Variants in RBM20 observed in about 807,000 individuals in gnomAD.
The protein encoded by RBM20 is RNA binding motif protein 20.
Under a neutral mutation model 110.1 loss-of-function variants are expected in RBM20, and 51 were observed. That is an observed-to-expected ratio of 0.46 (90% confidence interval 0.37 to 0.59). RBM20 has a LOEUF of 0.59. Among genes scored for constraint, RBM20 ranks in the 20% least tolerant of loss-of-function variants. RBM20 has a pLI of 0.00. For synonymous variants in RBM20, 589 were observed against 618.2 expected (o/e 0.95, Z 0.70); for missense variants, 1,512 against 1,574.9 (o/e 0.96, Z 0.68).
chr10:110,820,381 C>T (rs1449440391), intron 10 of RBM20, among the ~76,000 whole-genome samples: 4 of 152,204 alleles, frequency 2.6e-5, no homozygotes, highest in Non-Finnish European at 5.9e-5. Context: ...GATCTTTACC[C>T]ACATGTCTGG....
At chr10:110,653,086 T>C (rs1861974825) in intron 1 of RBM20, among the ~76,000 whole-genome samples, 1 of 152,236 alleles carries the variant, frequency 6.6e-6, no homozygotes, top group South Asian at 2.1e-4. Flanking sequence ...AAAAACCCAG[T>C]ACCTACCTTC....
At chr10:110,664,605 G>C (rs984389977) in intron 1 of RBM20, among the ~76,000 whole-genome samples, 8 of 151,846 alleles carry the variant, frequency 5.3e-5, no homozygotes, top group Non-Finnish European at 1.2e-4. Flanking sequence ...AAATTAGCTG[G>C]GTGTGGTGGC....
intron 1 of RBM20, among the ~76,000 whole-genome samples, chr10:110,681,556 T>C (rs1371851121): frequency 6.6e-6 from 1 of 152,208 alleles, no homozygotes; most frequent in Non-Finnish European, 1.5e-5. Context: ...AAAGACACCA[T>C]TGGAAGGTTG....
intron 1 of RBM20, among the ~76,000 whole-genome samples, chr10:110,727,786 T>A (rs573770120): frequency 6.6e-6 from 1 of 152,342 alleles, no homozygotes; most frequent in Non-Finnish European, 1.5e-5. Context: ...TTTGTCCTAA[T>A]GCTTTCCCTC....
intron 1 of RBM20, among the ~76,000 whole-genome samples, chr10:110,645,264 A>C (rs1861852904): frequency 6.6e-6 from 1 of 152,102 alleles, no homozygotes; most frequent in Non-Finnish European, 1.5e-5. Flanking sequence ...CGGCCTTCCC[A>C]ATGCTTGAGA....
chr10:110,748,879 C>T (rs991873886), intron 1 of RBM20, among the ~76,000 whole-genome samples: 1 of 152,240 alleles, frequency 6.6e-6, no homozygotes, highest in Non-Finnish European at 1.5e-5. Flanking sequence ...TCACTCTCTC[C>T]TTGGCAACCA....
At chr10:110,717,766 C>T (rs190508440) in intron 1 of RBM20, among the ~76,000 whole-genome samples, 65 of 152,316 alleles carry the variant, frequency 4.3e-4, no homozygotes, top group African/African-American at 1.5e-3. Context: ...ATCCACCTCA[C>T]ATGGTCCTAC....
intron 1 of RBM20, among the ~76,000 whole-genome samples, chr10:110,694,810 C>A (rs1862637565): frequency 6.6e-6 from 1 of 152,148 alleles, no homozygotes; most frequent in Non-Finnish European, 1.5e-5. Flanking sequence ...AAGGAGCTGA[C>A]TGACGTTTAA....
chr10:110,680,264 C>T (rs977697019), intron 1 of RBM20, among the ~76,000 whole-genome samples: 1 of 152,046 alleles, frequency 6.6e-6, no homozygotes, highest in African/African-American at 2.4e-5. Context: ...TCCTTCGGAG[C>T]AGATGGAGTC....
At chr10:110,819,407 A>G (rs1564663620) in intron 9 of RBM20, among the ~76,000 whole-genome samples, 1 of 152,248 alleles carries the variant, frequency 6.6e-6, no homozygotes, top group Non-Finnish European at 1.5e-5. Context: ...TTCGGCCTGC[A>G]GACTATAGTT....
At chr10:110,813,667 T>G (rs1844804041) in intron 9 of RBM20, among the ~76,000 whole-genome samples, 1 of 151,950 alleles carries the variant, frequency 6.6e-6, no homozygotes, top group Admixed American at 6.6e-5. Flanking sequence ...AAACCCTGTC[T>G]CTACTAAAAA....
intron 6 of RBM20, among the ~76,000 whole-genome samples, 165 bp from the exon 7 acceptor site, chr10:110,799,622 A>G (rs1396284273): frequency 2.0e-5 from 3 of 152,174 alleles, no homozygotes; most frequent in Non-Finnish European, 4.4e-5. Context: ...CTTCTCCATC[A>G]GTTCCCCATC....
chr10:110,810,237 G>A (rs73358993), intron 7 of RBM20, 146 bp from the exon 8 acceptor site: 30 of 634,654 alleles, frequency 4.7e-5, no homozygotes, highest in East Asian at 1.2e-4. Context: ...ACACTCATCC[G>A]TTGGATTACA....
At chr10:110,705,938 C>T (rs749153411) in intron 1 of RBM20, among the ~76,000 whole-genome samples, 3 of 151,958 alleles carry the variant, frequency 2.0e-5, no homozygotes, top group Admixed American at 1.3e-4. Context: ...AAAAATTGGC[C>T]GGGTGTGATG....
At chr10:110,789,620 C>A (rs1446907163) in intron 5 of RBM20, among the ~76,000 whole-genome samples, 1 of 151,988 alleles carries the variant, frequency 6.6e-6, no homozygotes. Context: ...CCAGACTCAG[C>A]TAATTTTTGG....
chr10:110,751,003 A>AGATGGGATGT (rs1843846306), intron 1 of RBM20, among the ~76,000 whole-genome samples: 1 of 6,214 alleles, frequency 1.6e-4, no homozygotes, highest in African/African-American at 1.2e-3. Flanking sequence ...GAAGTGGGGC[A>AGATGGGATGT]GACTAGAGTG....
chr10:110,690,104 T>G (rs758939922), intron 1 of RBM20, among the ~76,000 whole-genome samples: 1 of 152,204 alleles, frequency 6.6e-6, no homozygotes, highest in Non-Finnish European at 1.5e-5. Context: ...ATAACCTAAC[T>G]ATTTTTAATT....
chr10:110,703,729 C>A (rs753888992), intron 1 of RBM20, among the ~76,000 whole-genome samples: 2 of 152,198 alleles, frequency 1.3e-5, no homozygotes, highest in Non-Finnish European at 2.9e-5. Flanking sequence ...CTTTTACAAC[C>A]ACATCCACCT....
intron 1 of RBM20, among the ~76,000 whole-genome samples, chr10:110,777,924 C>G (rs1844288414): frequency 6.6e-6 from 1 of 152,254 alleles, no homozygotes; most frequent in South Asian, 2.1e-4. Context: ...AGAGTTGGCC[C>G]TGTGTGGCCA....
Sources: gnomAD v4.1 joint callset for allele counts (sites outside exome capture counted in the v4.1 genomes callset) on GRCh38, gnomAD v4.1.1 for gene constraint, MANE v1.5 for transcripts, NCBI Gene and HGNC (gene_info 2026-07-23, HGNC 2026-07-21) for gene names.